The following C8B variants were observed in gnomAD, a reference collection of about 807,000 sequenced individuals.
C8B encodes the protein complement component C8 beta chain.
In C8B, 67 loss-of-function variants were observed where a neutral mutation model predicts 64.6. The observed-to-expected ratio is 1.04, with a 90% CI of 0.85 to 1.27. The LOEUF (loss-of-function observed/expected upper bound fraction) is 1.27. Among genes scored for constraint, C8B ranks in the 50% most tolerant of loss-of-function variants. The pLI is 0.00. For synonymous variants in C8B, 284 were observed against 257.7 expected (o/e 1.10, Z -0.98); for missense variants, 790 against 725.2 (o/e 1.09, Z -1.03).
chr1:56,953,728 G>T (rs980918504), intron 4 of C8B, among the ~76,000 whole-genome samples: 26 of 152,292 alleles, frequency 1.7e-4, no homozygotes, highest in African/African-American at 6.3e-4. Flanking sequence ...TGCCTTGCCC[G>T]AGGTGCCCTG....
At chr1:56,957,251 T>C (rs1645117017) in intron 2 of C8B, among the ~76,000 whole-genome samples, 1 of 152,150 alleles carries the variant, frequency 6.6e-6, no homozygotes, top group African/African-American at 2.4e-5. Flanking sequence ...AGTCAAAGGT[T>C]AGTAGATGGA....
chr1:56,959,940 C>T, intron 2 of C8B, 80 bp downstream of exon 2: 1 of 1,493,602 alleles, frequency 6.7e-7, no homozygotes, highest in Non-Finnish European at 9.3e-7. Context: ...GTGCCAGGCA[C>T]TGTTAGCAAT....
chr1:56,947,856 G>A (rs572489569), intron 6 of C8B, among the ~76,000 whole-genome samples: 6 of 152,172 alleles, frequency 3.9e-5, no homozygotes, highest in African/African-American at 9.6e-5. Context: ...GCTTGAACCC[G>A]GGAGGTGGAG....
chr1:56,939,631 C>T (rs1044555213), intron 9 of C8B, among the ~76,000 whole-genome samples: 7 of 152,176 alleles, frequency 4.6e-5, no homozygotes, highest in South Asian at 2.1e-4. Context: ...CCATTGCTGA[C>T]GTGTATGACA....
intron 9 of C8B, among the ~76,000 whole-genome samples, chr1:56,936,652 T>A (rs1370960551): frequency 6.6e-6 from 1 of 151,364 alleles, no homozygotes; most frequent in Non-Finnish European, 1.5e-5. Context: ...TGGAGTGCAA[T>A]GGCATGATCT....
chr1:56,938,828 T>C (rs1644809402), intron 9 of C8B, among the ~76,000 whole-genome samples: 1 of 152,304 alleles, frequency 6.6e-6, no homozygotes, highest in East Asian at 1.9e-4. Context: ...ACCTGGTAAG[T>C]TGGCTTTGCG....
intron 3 of C8B, among the ~76,000 whole-genome samples, chr1:56,955,808 G>T (rs1056082125): frequency 1.3e-5 from 2 of 152,162 alleles, no homozygotes; most frequent in Non-Finnish European, 2.9e-5. Flanking sequence ...AGATCCCCAT[G>T]CACAGTCCAC....
At chr1:56,963,565 C>T (rs1213925886) in intron 1 of C8B, among the ~76,000 whole-genome samples, 4 of 119,400 alleles carry the variant, frequency 3.4e-5, no homozygotes, top group Non-Finnish European at 4.8e-5. Flanking sequence ...AAGTCAGATA[C>T]ACAATGTGGA....
intron 1 of C8B, 24 bp downstream of exon 1, chr1:56,965,833 G>T (rs374705290): frequency 6.2e-7 from 1 of 1,613,012 alleles, no homozygotes; most frequent in Admixed American, 1.7e-5. Context: ...ATTGATCAGG[G>T]AATTATTGGT....
intron 9 of C8B, 83 bp downstream of exon 9, chr1:56,940,766 G>T: frequency 2.0e-6 from 3 of 1,512,290 alleles, no homozygotes; most frequent in Non-Finnish European, 2.8e-6. Context: ...AGTGATCTCT[G>T]CATTTTATAC....
At position 56,960,137 on chromosome 1, in the gene C8B, G is replaced by A. The variant is rs147505103; in HGVS notation, c.132C>T (p.Asn44=). Residue 44 remains asparagine (N), a synonymous_variant, in exon 2 of 12, where the codon AAC becomes AAT. Transcript: ENST00000371237. ...RPHSFGSNAV[N]KSFAKSRQMR... ...TCTGTCTGCTCTTAGCAAAGCTCTT[G>A]TTGACTGCATTTGACCCAAAGGAAT... 6.2e-7 allele frequency: 1 copy of A among 1,614,164 alleles called. No homozygotes were observed. The highest frequency in any genetic ancestry group is 1.1e-5 in the South Asian group (1 of 91,078).
chr1:56,963,175 T>G (rs2101474238), intron 1 of C8B, among the ~76,000 whole-genome samples: 1 of 152,228 alleles, frequency 6.6e-6, no homozygotes, highest in Middle Eastern at 3.4e-3. Flanking sequence ...TAGGACACAT[T>G]TAACTGGGCC....
At chr1:56,946,538 C>T (rs1644944836) in intron 6 of C8B, among the ~76,000 whole-genome samples, 2 of 152,188 alleles carry the variant, frequency 1.3e-5, no homozygotes, top group South Asian at 4.1e-4. Context: ...AGTACCTGTA[C>T]CTGTAAATAA....
chr1:56,943,415 A>T (rs1176782031), intron 8 of C8B, among the ~76,000 whole-genome samples: 1 of 152,230 alleles, frequency 6.6e-6, no homozygotes, highest in Non-Finnish European at 1.5e-5. Flanking sequence ...GCAGCGATAG[A>T]AGTGAACTAA....
intron 1 of C8B, among the ~76,000 whole-genome samples, chr1:56,962,986 T>C (rs1418311774): frequency 6.6e-6 from 1 of 152,240 alleles, no homozygotes; most frequent in Non-Finnish European, 1.5e-5. Flanking sequence ...ATGACACACA[T>C]TGCATTTAAT....
intron 4 of C8B, among the ~76,000 whole-genome samples, chr1:56,952,883 G>A (rs1331934446): frequency 2.0e-5 from 3 of 152,122 alleles, no homozygotes; most frequent in East Asian, 1.9e-4. Flanking sequence ...ACACTACTTG[G>A]TCCGCGATAA....
chr1:56,965,523 G>T (rs1309116588), intron 1 of C8B, among the ~76,000 whole-genome samples: 5 of 143,816 alleles, frequency 3.5e-5, no homozygotes, highest in Non-Finnish European at 1.5e-5. Context: ...TCATGAATTT[G>T]CTCTTTTGTC....
intron 9 of C8B, among the ~76,000 whole-genome samples, chr1:56,936,557 A>T (rs1332765569): frequency 1.6e-4 from 15 of 94,706 alleles, no homozygotes; most frequent in East Asian, 8.6e-4. Flanking sequence ...CCATTTAGTT[A>T]TATTCATGGG....
rs1644732579 is a variant in C8B at position 56,933,497 on chromosome 1, G to A, written c.1399-9C>T. 6.2e-7 allele frequency: 1 copy of A among 1,612,248 alleles called. No individual in the cohort carries two copies. The highest frequency in any genetic ancestry group is 8.5e-7 in the Non-Finnish European group (1 of 1,178,516). ...TCATACAGAGGCTCCACCTGGAAAG[G>A]GAAAAGGGCATTTATTTCAAGAGAA... On this transcript the variant is annotated splice_polypyrimidine_tract_variant and intron_variant, in intron 9 of 11. Coordinates refer to ENST00000371237, the MANE Select transcript of C8B (RefSeq NM_000066.4).
Sources: allele counts gnomAD v4.1 joint callset (sites outside exome capture counted in the v4.1 genomes callset), GRCh38; gene constraint gnomAD v4.1.1; transcripts MANE v1.5; gene names NCBI Gene and HGNC (gene_info 2026-07-23, HGNC 2026-07-21).